The following ESPN variants were observed in gnomAD, a reference collection of about 807,000 sequenced individuals.
The protein encoded by ESPN is autosomal recessive deafness type 36 protein.
Under a neutral mutation model 77.7 loss-of-function variants are expected in ESPN, and 68 were observed. The observed-to-expected ratio is 0.87, with a 90% CI of 0.72 to 1.07. The LOEUF is 1.07. ESPN is among the 50% of genes least tolerant of loss of function. The probability of loss-of-function intolerance (pLI) is 0.00; values close to 1 mark genes in which losing one functional copy is unlikely to be tolerated. For synonymous variants in ESPN, 449 were observed against 567.1 expected, an observed-to-expected ratio of 0.79 and a Z score of 2.96; for missense variants, 1,060 against 1,239.0, an observed-to-expected ratio of 0.86 and a Z score of 2.17.
chr1:6,442,025 G>A (rs1004939753), intron 5 of ESPN, among the ~76,000 whole-genome samples: 1 of 152,196 alleles, frequency 6.6e-6, no homozygotes, highest in African/African-American at 2.4e-5. Flanking sequence ...TGTCACTAGG[G>A]TATATAAGCT....
chr1:6,440,108 C>T, intron 2 of ESPN, 146 bp from the exon 3 acceptor site: 2 of 877,236 alleles, frequency 2.3e-6, no homozygotes, highest in Non-Finnish European at 3.6e-6. Flanking sequence ...GGGGAGCCCC[C>T]CGGGCAGCAG....
At chr1:6,429,062 G>A (rs1643145174) in intron 2 of ESPN, among the ~76,000 whole-genome samples, 1 of 142,558 alleles carries the variant, frequency 7.0e-6, no homozygotes, top group African/African-American at 2.5e-5. Flanking sequence ...GGGGTGGGGG[G>A]TCACACAGAG....
rs867091466 is a variant in ESPN, at chr1:6,447,792, C to G, written c.1465-849C>G. On this transcript the variant is annotated intron_variant, in intron 7 of 12. Transcript: ENST00000645284. This position sits in a 1 kb window ranked among gnomAD's most constrained non-coding sequence, Gnocchi z 5.2. ...AGGCCTCCTCTGCCCACAGTCAGCC[C>G]TCTCCCCTCTCGGGCGGGGATGAAG... Among the ~76,000 whole-genome samples the G allele has an allele frequency of 6.6e-6, 1 of 152,098 alleles. No homozygotes were observed. The highest frequency in any genetic ancestry group is 6.5e-5 in the Admixed American group (1 of 15,280).
At chr1:6,439,987 C>T (rs1183550727) in intron 2 of ESPN, among the ~76,000 whole-genome samples, 6 of 151,234 alleles carry the variant, frequency 4.0e-5, no homozygotes, top group Admixed American at 6.6e-5. Context: ...CCAGCCTGGG[C>T]GACAGAGCTA....
In ESPN at chr1:6,460,580, C is replaced by A. The variant is rs1014520047; in HGVS notation, c.*434C>A. On this transcript the variant is annotated 3_prime_UTR_variant, in exon 13 of 13. Coordinates refer to ENST00000645284, the MANE Select transcript of ESPN (RefSeq NM_031475.3). ...CCTGGGTGGAGGCAGGCCCCGAGCT[C>A]GGGGAAGGGGTTTTCCCTTCCTCTC... 4.9e-4 allele frequency: 84 copies of A among 173,090 alleles called. 2 individuals carry two copies. Among genetic ancestry groups the A allele is most frequent in the Admixed American group, 1.1e-4 (2 of 17,488 alleles). The allele number at this position is 173,090 out of a possible 1,614,324, so 10.7% of individuals were successfully genotyped here. A position where few individuals can be genotyped will look rare whatever the true frequency, so the allele number is the denominator to read the frequency against.
Position 6,460,857 on chromosome 1 carries a change from G to A in ESPN, c.*711G>A, listed in dbSNP as rs1644150672. On this transcript the variant is annotated 3_prime_UTR_variant, in exon 13 of 13. Transcript: ENST00000645284. ...AGAGGATGAGGGGCCCTGACCCTGT[G>A]TCTCCAACTGCTGCACCCCATCCCG... The A allele has an allele frequency of 6.5e-6, 2 of 307,172 alleles. No individual in the cohort carries two copies. Among genetic ancestry groups the A allele is most frequent in the Non-Finnish European group, 1.3e-5 (2 of 156,550 alleles). The allele number at this position is 307,172 out of a possible 1,614,324, so 19.0% of individuals were successfully genotyped here.
In ESPN at chr1:6,448,723, CG is replaced by C. The variant is rs1193621448; in HGVS notation, c.1552del (p.Asp518ThrfsTer128). The C allele has an allele frequency of 6.7e-7, 1 of 1,499,666 alleles. No homozygotes were observed. The highest frequency in any genetic ancestry group is 8.8e-7 in the Non-Finnish European group (1 of 1,133,316). The allele number at this position is 1,499,666 out of a possible 1,614,324, so 92.9% of individuals were successfully genotyped here. A position where few individuals can be genotyped will look rare whatever the true frequency, so the allele number is the denominator to read the frequency against. The stretch of plus-strand genomic sequence containing the variant: ...CGCGCCTTCAGCAAGCAGCCCAGCA[CG>C]GGGGACTACTACCGGCAGCTGGGCC... ...KPRAFSKQPS[T>X]GDYYRQLGRC... On this transcript the variant is annotated frameshift_variant, in exon 8 of 13. Coordinates refer to ENST00000645284, the MANE Select transcript of ESPN (RefSeq NM_031475.3). LOFTEE classifies it high-confidence loss of function.
intron 10 of ESPN, among the ~76,000 whole-genome samples, chr1:6,453,596 G>A (rs1053308792): frequency 2.6e-5 from 4 of 152,126 alleles, no homozygotes; most frequent in African/African-American, 7.2e-5. Context: ...GAAGGGGGTC[G>A]CTGAGCTGGA....
In ESPN at chr1:6,451,962, G is replaced by A; in HGVS notation, c.2191G>A (p.Gly731Arg). ...CGTGCCGCCCACTACTCCTGCGCCG[G>A]GAGTGCAGCTGGACGTGGAGGCTCT... ...VPVPPTTPAPGVQLDVEALIP... is the reference protein window; with the variant it reads ...VPVPPTTPAPRVQLDVEALIP... The change falls in exon 10 of 13, where the codon GGA (glycine) becomes AGA (arginine). Residue 731 changes from glycine to arginine, a missense_variant. Physicochemically the swap from Gly to Arg is moderately radical, Grantham distance 125. Coordinates refer to ENST00000645284, the MANE Select transcript of ESPN (RefSeq NM_031475.3). This position sits in a 1 kb window ranked among gnomAD's most constrained non-coding sequence, Gnocchi z 4.3. The A allele has an allele frequency of 6.2e-7, 1 of 1,610,754 alleles. No homozygotes were observed. Among genetic ancestry groups the A allele is most frequent in the South Asian group, 1.1e-5 (1 of 90,410 alleles).
At chr1:6,454,284 C>T (rs561813151) in intron 10 of ESPN, 1 of 397,332 alleles carries the variant, frequency 2.5e-6, no homozygotes, top group Non-Finnish European at 4.4e-6. Context: ...AGCGTCACCC[C>T]CCGCCGGCCA....
intron 6 of ESPN, 94 bp downstream of exon 6, chr1:6,444,776 C>T: frequency 5.0e-6 from 7 of 1,389,186 alleles, no homozygotes; most frequent in Non-Finnish European, 7.1e-6. Flanking sequence ...CTGCCACAGC[C>T]AATATCGGAC....
chr1:6,450,565 G>A lies in ESPN; in HGVS notation c.1916-1038G>A, dbSNP rs1643926712. On this transcript the variant is annotated intron_variant, in intron 8 of 12. Transcript: ENST00000645284. The surrounding 1 kb of genome is among the most constrained non-coding windows in gnomAD (Gnocchi z 4.3). Reference sequence around the variant, plus strand: ...AAGGCAGAAGGGGCCCAGACTTGAGGAAAGGGCAGGGGCAGGGGCTGGCAG... The same window carrying A: ...AAGGCAGAAGGGGCCCAGACTTGAGAAAAGGGCAGGGGCAGGGGCTGGCAG... 1.6e-6 allele frequency: 1 copy of A among 609,782 alleles called. No homozygotes were observed. The highest frequency in any genetic ancestry group is 2.0e-5 in the African/African-American group (1 of 49,590). The allele number at this position is 609,782 out of a possible 1,614,324, so 37.8% of individuals were successfully genotyped here.
At chr1:6,429,558 C>T (rs1332354086) in intron 2 of ESPN, among the ~76,000 whole-genome samples, 1 of 152,184 alleles carries the variant, frequency 6.6e-6, no homozygotes, top group African/African-American at 2.4e-5. Flanking sequence ...CACCCCCTCA[C>T]TTCAAGCAGA....
chr1:6,433,464 G>A (rs1040535755), intron 2 of ESPN, among the ~76,000 whole-genome samples: 6 of 152,040 alleles, frequency 3.9e-5, no homozygotes, highest in African/African-American at 1.2e-4. Flanking sequence ...AAAGTTAGCC[G>A]GGTGTGGTGG....
rs1643894005 is a variant in ESPN at position 6,448,724 on chromosome 1, G to A, written c.1548G>A (p.Thr516=). Residue 516 remains threonine, a synonymous_variant, in exon 8 of 13, where the codon ACG becomes ACA. Transcript: ENST00000645284. ...GCGCCTTCAGCAAGCAGCCCAGCAC[G>A]GGGGACTACTACCGGCAGCTGGGCC... The part of the protein sequence containing the change: ...KPRAFSKQPS[T]GDYYRQLGRC... 2 of 1,498,196 alleles carry A rather than the reference G, an allele frequency of 1.3e-6. No individual in the cohort carries two copies. Among genetic ancestry groups the A allele is most frequent in the East Asian group, 2.8e-5 (1 of 35,880 alleles). 92.8% of individuals were successfully genotyped at this position (1,498,196 alleles called of 1,614,324 possible).
At position 6,459,395 on chromosome 1, in the gene ESPN, G is replaced by C. The variant is rs557174075; in HGVS notation, c.2418-604G>C. ...GCGCTCCACCCTGGCAACAGAGCGA[G>C]ACCCTGACTCAAATAATAATAAAAC... is the stretch of plus-strand genomic sequence containing the variant. On this transcript the variant is annotated intron_variant, in intron 12 of 12. Coordinates refer to ENST00000645284, the MANE Select transcript of ESPN (RefSeq NM_031475.3). Among the ~76,000 whole-genome samples the C allele has an allele frequency of 9.9e-5, 15 of 152,272 alleles. No individual in the cohort carries two copies. In the South Asian group the frequency reaches 2.7e-3, roughly 27 times the overall value.
intron 2 of ESPN, among the ~76,000 whole-genome samples, chr1:6,435,435 G>A (rs1486728285): frequency 3.3e-5 from 5 of 152,244 alleles, no homozygotes; most frequent in Non-Finnish European, 7.3e-5. Context: ...TTTCTTTTGT[G>A]TAATCAGAGG....
At chr1:6,453,807 A>G (rs1272190062) in intron 10 of ESPN, among the ~76,000 whole-genome samples, 3 of 152,146 alleles carry the variant, frequency 2.0e-5, no homozygotes. Flanking sequence ...GCCCAGGGGG[A>G]AAACTGGACA....
intron 10 of ESPN, among the ~76,000 whole-genome samples, chr1:6,452,309 A>G (rs1234729767): frequency 6.6e-6 from 1 of 151,256 alleles, no homozygotes; most frequent in East Asian, 1.9e-4. Context: ...GGTTCAAATG[A>G]TTCTCCTGCC....
Sources: allele counts gnomAD v4.1 joint callset (sites outside exome capture counted in the v4.1 genomes callset), GRCh38; gene constraint gnomAD v4.1.1; non-coding constraint Gnocchi (gnomAD v3.1); transcripts MANE v1.5; gene names NCBI Gene and HGNC (gene_info 2026-07-23, HGNC 2026-07-21).